The following WSCD2 variants were observed in gnomAD, a reference collection of about 807,000 sequenced individuals.
WSCD2 encodes sialate:O-sulfotransferase 2.
In WSCD2, 28 loss-of-function variants were observed where a neutral mutation model predicts 55.7. That is an observed-to-expected ratio of 0.50 (90% CI 0.37 to 0.69). The LOEUF (loss-of-function observed/expected upper bound fraction) is 0.69. Ranked by LOEUF, WSCD2 falls within the 30% of genes least tolerant of loss-of-function variation. The pLI is 0.00. For synonymous variants in WSCD2, 301 were observed against 301.9 expected, an observed-to-expected ratio of 1.00 and a Z score of 0.03; for missense variants, 616 against 762.1, an observed-to-expected ratio of 0.81 and a Z score of 2.26.
At position 108,167,167 on chromosome 12, in the gene WSCD2, C is replaced by T. The variant is rs181712686; in HGVS notation, c.-551-28115C>T. ...TCTCCTCTCTGGGTTTCAGTTTGCT[C>T]GTCTCGTAAGTGGGAATATTCGAAC... On this transcript the variant is annotated intron_variant, in intron 1 of 8. Coordinates refer to ENST00000547525, the MANE Select transcript of WSCD2 (RefSeq NM_014653.4). 3.3e-5 allele frequency among the ~76,000 whole-genome samples: 5 copies of T among 152,140 alleles called. No individual in the cohort carries two copies. The East Asian group carries it at 5.8e-4, about 18-fold the overall frequency.
intron 1 of WSCD2, among the ~76,000 whole-genome samples, chr12:108,136,901 A>T (rs1464502799): frequency 2.0e-5 from 3 of 152,160 alleles, no homozygotes; most frequent in African/African-American, 7.2e-5. Context: ...GATAGTAAAC[A>T]TGGGTTTATC....
intron 1 of WSCD2, among the ~76,000 whole-genome samples, chr12:108,173,913 A>G (rs1880526351): frequency 6.7e-6 from 1 of 149,184 alleles, no homozygotes; most frequent in African/African-American, 2.5e-5. Context: ...GCATAAATTC[A>G]CCTCTATCTC....
At position 108,199,479 on chromosome 12, in the gene WSCD2, G is replaced by C. The variant is rs867821974; in HGVS notation, c.382+3265G>C. Reference sequence around the variant, plus strand: ...GGCCATGTGAGGGCCTGTACTTTGAGCAGCCAAATCAGGGTTCAAATCCCA... The same window carrying C: ...GGCCATGTGAGGGCCTGTACTTTGACCAGCCAAATCAGGGTTCAAATCCCA... On this transcript the variant is annotated intron_variant, in intron 2 of 8. Transcript: ENST00000547525. Among the ~76,000 whole-genome samples, 4 of 152,218 alleles carry C rather than the reference G, an allele frequency of 2.6e-5. No individual in the cohort carries two copies. In the South Asian group the frequency reaches 8.3e-4, roughly 32 times the overall value.
chr12:108,143,133 A>G (rs2136887607), intron 1 of WSCD2, among the ~76,000 whole-genome samples: 1 of 152,170 alleles, frequency 6.6e-6, no homozygotes, highest in East Asian at 1.9e-4. Context: ...TGCTTCACCA[A>G]TCTTTTGGCT....
chr12:108,217,170 T>C (rs963387207), intron 4 of WSCD2, among the ~76,000 whole-genome samples: 4 of 152,226 alleles, frequency 2.6e-5, no homozygotes, highest in African/African-American at 9.6e-5. Flanking sequence ...ACCTGCCCAA[T>C]GGCACACAGC....
intron 8 of WSCD2, among the ~76,000 whole-genome samples, chr12:108,243,069 T>A (rs549861162): frequency 9.2e-5 from 14 of 152,322 alleles, no homozygotes; most frequent in Admixed American, 3.3e-4. Context: ...TTCTTCCCCT[T>A]TGCATTCACC....
chr12:108,237,981 C>A (rs935967401), intron 7 of WSCD2, among the ~76,000 whole-genome samples: 2 of 152,150 alleles, frequency 1.3e-5, no homozygotes, highest in African/African-American at 4.8e-5. Flanking sequence ...TGGTATACCC[C>A]CTGCCTGTGT....
intron 7 of WSCD2, 39 bp from the exon 8 acceptor site, chr12:108,240,305 A>G: frequency 6.2e-7 from 1 of 1,608,690 alleles, no homozygotes; most frequent in Non-Finnish European, 8.5e-7. Flanking sequence ...TTGCTTCCCC[A>G]GCTCACCAGT....
chr12:108,132,914 A>G lies in WSCD2; in HGVS notation c.-552+2988A>G, dbSNP rs368208145. Reference sequence around the variant, plus strand: ...TGCCTCTATGTGCATATGTGTGTGTAGCATTGCACACCTGATTGTCTCTGT... The same window carrying G: ...TGCCTCTATGTGCATATGTGTGTGTGGCATTGCACACCTGATTGTCTCTGT... On this transcript the variant is annotated intron_variant, in intron 1 of 8. Coordinates refer to ENST00000547525, the MANE Select transcript of WSCD2 (RefSeq NM_014653.4). 4.2e-3 allele frequency among the ~76,000 whole-genome samples: 639 copies of G among 151,896 alleles called. 4 individuals are homozygous for G. The highest frequency in any genetic ancestry group is 0.014 in the African/African-American group (599 of 41,330).
chr12:108,167,956 A>G (rs1008068455), intron 1 of WSCD2, among the ~76,000 whole-genome samples: 2 of 152,220 alleles, frequency 1.3e-5, no homozygotes, highest in African/African-American at 4.8e-5. Flanking sequence ...GGTGAGGGGT[A>G]AAATGATCCT....
rs1040541174 is a variant in WSCD2, at chr12:108,129,870, C to T, written c.-608C>T. 1.3e-5 allele frequency: 2 copies of T among 152,312 alleles called. No homozygotes were observed. Among genetic ancestry groups the T allele is most frequent in the South Asian group, 2.1e-4 (1 of 4,838 alleles). The allele number at this position is 152,312 out of a possible 1,614,324, so 9.4% of individuals were successfully genotyped here. A position where few individuals can be genotyped will look rare whatever the true frequency, so the allele number is the denominator to read the frequency against. ...GGGACGCGGGAGTCGCAGAGAGGGA[C>T]CCCGGGCGCCTGCTGAGCTCAGCTG... On this transcript the variant is annotated 5_prime_UTR_variant, in exon 1 of 9. Transcript: ENST00000547525.
At chr12:108,170,703 G>A (rs150807507) in intron 1 of WSCD2, among the ~76,000 whole-genome samples, 214 of 152,274 alleles carry the variant, frequency 1.4e-3, no homozygotes, top group East Asian at 6.9e-3. Context: ...TGATGCCAGC[G>A]TTCAAGAGAT....
intron 1 of WSCD2, among the ~76,000 whole-genome samples, chr12:108,130,480 GTGTGTGT>G (rs1565905467): frequency 0.03 from 1,377 of 46,624 alleles, 15 homozygotes; most frequent in Middle Eastern, 0.05. Flanking sequence ...TCTGGGGTGT[GTGTGTGT>G]GTGTGTGTGT....
chr12:108,209,293 C>A (rs1393574300), intron 3 of WSCD2, among the ~76,000 whole-genome samples: 1 of 152,176 alleles, frequency 6.6e-6, no homozygotes, highest in Non-Finnish European at 1.5e-5. Context: ...GAGTCCCTGC[C>A]TCCCTCATGA....
intron 1 of WSCD2, among the ~76,000 whole-genome samples, chr12:108,191,704 CTCCATGGGGCTCAGCT>C (rs1189077624): frequency 6.6e-6 from 1 of 152,192 alleles, no homozygotes; most frequent in Non-Finnish European, 1.5e-5. Flanking sequence ...GCCTTATCCC[CTCCATGGGGCTCAGCT>C]TCCAGGGGGC....
At chr12:108,148,628 G>C (rs1023816995) in intron 1 of WSCD2, among the ~76,000 whole-genome samples, 1 of 152,252 alleles carries the variant, frequency 6.6e-6, no homozygotes, top group South Asian at 2.1e-4. Flanking sequence ...GAGAGGTTAG[G>C]GGTAACATGA....
At chr12:108,173,810 C>CTGTGTGTGTGTGTGTGTGTGTG (rs113409001) in intron 1 of WSCD2, among the ~76,000 whole-genome samples, 76 of 131,226 alleles carry the variant, frequency 5.8e-4, no homozygotes, top group Admixed American at 1.1e-3. Flanking sequence ...TCCTGGCTCT[C>CTGTGTGTGTGTGTGTGTGTGTG]TGTGTGTGTG....
At chr12:108,241,792 T>C (rs1889768759) in intron 8 of WSCD2, among the ~76,000 whole-genome samples, 1 of 152,246 alleles carries the variant, frequency 6.6e-6, no homozygotes, top group Non-Finnish European at 1.5e-5. Flanking sequence ...ACCTGGATTA[T>C]GGTGATGGTA....
chr12:108,184,190 C>G (rs908315168), intron 1 of WSCD2, among the ~76,000 whole-genome samples: 1 of 152,080 alleles, frequency 6.6e-6, no homozygotes, highest in African/African-American at 2.4e-5. Flanking sequence ...ACCTCTCAGT[C>G]CTGCTCAGAG....
Sources: allele counts gnomAD v4.1 joint callset (sites outside exome capture counted in the v4.1 genomes callset), GRCh38; gene constraint gnomAD v4.1.1; transcripts MANE v1.5; gene names NCBI Gene and HGNC (gene_info 2026-07-23, HGNC 2026-07-21).